Variants in BAHCC1 observed in about 807,000 individuals in gnomAD.
BAHCC1 encodes BAH domain and coiled-coil containing 1, also known as BAH and coiled-coil domain-containing protein 1.
Under a neutral mutation model 88.2 loss-of-function variants are expected in BAHCC1, and 43 were observed. That is an observed-to-expected ratio of 0.49 (90% CI 0.38 to 0.63). The LOEUF (loss-of-function observed/expected upper bound fraction) is 0.63. BAHCC1 is among the 20% of genes least tolerant of loss of function. BAHCC1 has a pLI of 0.00. For synonymous variants in BAHCC1, 1,510 were observed against 745.5 expected (o/e 2.03, Z -16.71); for missense variants, 3,023 against 1,654.8 (o/e 1.83, Z -14.34).
chr17:81,445,208 C>G (rs782592322), intron 9 of BAHCC1, 30 bp downstream of exon 9: 10 of 744,792 alleles, frequency 1.3e-5, no homozygotes, highest in Non-Finnish European at 2.0e-5. Context: ...TCACCTGGGC[C>G]GGGCACTTCT....
intron 2 of BAHCC1, among the ~76,000 whole-genome samples, chr17:81,409,311 G>C (rs1468988605): frequency 6.6e-6 from 1 of 151,936 alleles, no homozygotes; most frequent in African/African-American, 2.4e-5. Context: ...GTCCTCTCCT[G>C]ATTAGCGCCA....
At chr17:81,457,647 T>C (rs1222929364) in intron 17 of BAHCC1, 55 bp downstream of exon 17, 1 of 632,668 alleles carries the variant, frequency 1.6e-6, no homozygotes. Flanking sequence ...GGGCAGGGAT[T>C]GCTAGATAAC....
Position 81,442,254 on chromosome 17 carries a change from G to A in BAHCC1, c.905G>A (p.Cys302Tyr), listed in dbSNP as rs1314678370. ...ATGGGCAGGGCTGCGCTAGCCAGCT[G>A]TGCAGGGGGCATGCTGGGGCGGCCT... ...GEMGRAALAS[C>Y]AGGMLGRPGT... Residue 302 changes from cysteine (C) to tyrosine (Y), a missense_variant, in exon 5 of 28, where the codon TGT (cysteine) becomes TAT (tyrosine). Physicochemically the swap from Cys to Tyr is radical, Grantham distance 194. Coordinates refer to ENST00000675386, the MANE Select transcript of BAHCC1 (RefSeq NM_001377448.1). The A allele has an allele frequency of 1.4e-5, 9 of 630,500 alleles. No homozygotes were observed. The highest frequency in any genetic ancestry group is 2.8e-5 in the Admixed American group (1 of 36,044). 39.1% of individuals were successfully genotyped at this position (630,500 alleles called of 1,614,324 possible). A position where few individuals can be genotyped will look rare whatever the true frequency, so the allele number is the denominator to read the frequency against.
chr17:81,456,399 C>T lies in BAHCC1; in HGVS notation c.4672C>T (p.Pro1558Ser), dbSNP rs1555657281. The T allele has an allele frequency of 1.4e-6, 1 of 722,880 alleles. No homozygotes were observed. Among genetic ancestry groups the T allele is most frequent in the Non-Finnish European group, 2.6e-6 (1 of 388,316 alleles). The allele number at this position is 722,880 out of a possible 1,614,324, so 44.8% of individuals were successfully genotyped here. Reference protein sequence around the residue: ...LKPKVKSKGLPTGLSSFQQKE... With the variant: ...LKPKVKSKGLSTGLSSFQQKE... ...ACCCAAGGTCAAGAGCAAAGGGCTG[C>T]CCACAGGCCTCAGCTCTTTCCAGCA... is the stretch of plus-strand genomic sequence containing the variant. Residue 1558 changes from proline (P) to serine (S), a missense_variant, in exon 16 of 28, where the codon CCC (proline) becomes TCC (serine). By Grantham distance (74) the Pro-to-Ser change is moderately conservative. Coordinates refer to ENST00000675386, the MANE Select transcript of BAHCC1 (RefSeq NM_001377448.1).
intron 1 of BAHCC1, among the ~76,000 whole-genome samples, chr17:81,397,347 A>G (rs2063756035): frequency 6.6e-6 from 1 of 150,756 alleles, no homozygotes; most frequent in Admixed American, 6.6e-5. Flanking sequence ...CGTCCCGAGA[A>G]TCGCCGGCAG....
intron 10 of BAHCC1, 190 bp from the exon 11 acceptor site, chr17:81,446,846 C>T (rs2064537645): frequency 1.5e-5 from 10 of 674,886 alleles, no homozygotes; most frequent in Non-Finnish European, 1.6e-5. Context: ...AGCTACTGCA[C>T]CCAGCCAGGT....
chr17:81,459,229 C>A, intron 21 of BAHCC1, 24 bp from the exon 22 acceptor site: 1 of 777,142 alleles, frequency 1.3e-6, no homozygotes, highest in Non-Finnish European at 2.4e-6. Context: ...ACCCGTGGCA[C>A]CTCACATTCC....
Position 81,399,098 on chromosome 17 carries a change from C to T in BAHCC1, c.-206-436C>T. On this transcript the variant is annotated intron_variant, in intron 1 of 27. Coordinates refer to ENST00000675386, the MANE Select transcript of BAHCC1 (RefSeq NM_001377448.1). This position sits in a 1 kb window ranked among gnomAD's most constrained non-coding sequence, Gnocchi z 4.5. The stretch of plus-strand genomic sequence containing the variant: ...CCTTTTCCTCCGAGACACCTTTGGG[C>T]AGCGGGGGAGGGGAGAGGGTGTGCG... 4.6e-6 allele frequency: 1 copy of T among 218,700 alleles called. No individual in the cohort carries two copies. 13.5% of individuals were successfully genotyped at this position (218,700 alleles called of 1,614,324 possible).
In BAHCC1 at chr17:81,447,520, G is replaced by A. The variant is rs371876242; in HGVS notation, c.3648G>A (p.Glu1216=). ...GGAGTCCGGGTGCCCTTGAGGACGAGGGGGAGCAGCCGGCCCCTGAGGAGG... is the reference window on the plus strand; with the variant it reads ...GGAGTCCGGGTGCCCTTGAGGACGAAGGGGAGCAGCCGGCCCCTGAGGAGG... ...RAGSPGALED[E]GEQPAPEEDE... The change falls in exon 11 of 28, where the codon GAG becomes GAA. Residue 1216 remains glutamate (E), a synonymous_variant. Transcript: ENST00000675386. 4.0e-6 allele frequency: 3 copies of A among 751,956 alleles called. No homozygotes were observed. The highest frequency in any genetic ancestry group is 1.7e-5 in the African/African-American group (1 of 58,794). 46.6% of individuals were successfully genotyped at this position (751,956 alleles called of 1,614,324 possible).
chr17:81,432,388 G>A (rs1276224053), intron 3 of BAHCC1, among the ~76,000 whole-genome samples: 15 of 152,060 alleles, frequency 9.9e-5, no homozygotes, highest in Non-Finnish European at 2.1e-4. Flanking sequence ...GTGGACAGGC[G>A]GAAGGGAGTT....
rs367639963 is a variant in BAHCC1, at chr17:81,459,534, G to A, written c.5835G>A (p.Pro1945=). ...DVRPQSSRYL[P]PGTRVCAYWS... ...GGCCACAGTCCAGCCGGTACCTCCC[G>A]CCCGGCACGCGGGTCTGCGCCTACT... The change falls in exon 23 of 28, where the codon CCG becomes CCA. Residue 1945 remains proline, a synonymous_variant. Transcript: ENST00000675386. 23 of 779,616 alleles carry A rather than the reference G, an allele frequency of 3.0e-5. No homozygotes were observed. Among genetic ancestry groups the A allele is most frequent in the East Asian group, 1.2e-4 (5 of 41,238 alleles). 48.3% of individuals were successfully genotyped at this position (779,616 alleles called of 1,614,324 possible). A position where few individuals can be genotyped will look rare whatever the true frequency, so the allele number is the denominator to read the frequency against.
rs144153433 is a variant in BAHCC1, at chr17:81,433,978, G to A, written c.359-4392G>A. Among the ~76,000 whole-genome samples, 635 of 152,304 alleles carry A rather than the reference G, an allele frequency of 4.2e-3. 3 individuals carry two copies. Among genetic ancestry groups the A allele is most frequent in the Admixed American group, 7.8e-3 (119 of 15,310 alleles). On this transcript the variant is annotated intron_variant, in intron 3 of 27. Transcript: ENST00000675386. ...GTGGAGGCCAGGCTGAGCCTCGTGC[G>A]TGTGGCTGCACGGCAGGGACGTCCT...
At chr17:81,422,061 G>A (rs2064122883) in intron 2 of BAHCC1, 1 of 281,790 alleles carries the variant, frequency 3.5e-6, no homozygotes, top group Admixed American at 4.9e-5. Flanking sequence ...ATCCAGGCGG[G>A]AGGGCAGTGG....
In BAHCC1 at chr17:81,416,012, GTGTGTGT is replaced by G. The variant is rs1555648613; in HGVS notation, c.179-10787_179-10781del. Among the ~76,000 whole-genome samples, 749 of 151,758 alleles carry G rather than the reference GTGTGTGT, an allele frequency of 4.9e-3. 10 individuals are homozygous for G. Among genetic ancestry groups the G allele is most frequent in the African/African-American group, 0.017 (695 of 41,352 alleles). On this transcript the variant is annotated intron_variant, in intron 2 of 27. Coordinates refer to ENST00000675386, the MANE Select transcript of BAHCC1 (RefSeq NM_001377448.1). ...CATGAGGATGGGTGTATGCGCGTGT[GTGTGTGT>G]CCATGAGGATGGGTGTATGCGCATG... is the stretch of plus-strand genomic sequence containing the variant.
In BAHCC1 at chr17:81,451,957, G is replaced by GCCC. The variant is rs34593866; in HGVS notation, c.4180-8_4180-6dup. ...CCTGGCCCGGCTCACAGGCCCCTGT[G>GCCC]CCCCCCCCACCAGGTGTGCCCCCTG... is the stretch of plus-strand genomic sequence containing the variant. On this transcript the variant is annotated splice_polypyrimidine_tract_variant and intron_variant, in intron 12 of 27. Coordinates refer to ENST00000675386, the MANE Select transcript of BAHCC1 (RefSeq NM_001377448.1). 11 of 615,018 alleles carry GCCC rather than the reference G, an allele frequency of 1.8e-5. No individual in the cohort carries two copies. Among genetic ancestry groups the GCCC allele is most frequent in the African/African-American group, 9.3e-5 (5 of 53,766 alleles). 38.1% of individuals were successfully genotyped at this position (615,018 alleles called of 1,614,324 possible).
At chr17:81,396,417 T>TG in intron 1 of BAHCC1, 1 of 151,942 alleles carries the variant, frequency 6.6e-6, no homozygotes, top group Non-Finnish European at 1.5e-5. Context: ...GTCCGCGGGC[T>TG]GGTTTTCTTC....
intron 2 of BAHCC1, among the ~76,000 whole-genome samples, chr17:81,426,208 A>ATGATGTGGTTGGTGGTGATAGTGGTGGG (rs2064195890): frequency 3.6e-5 from 1 of 28,118 alleles, no homozygotes; most frequent in African/African-American, 1.2e-4. Context: ...GTGGTTGGTG[A>ATGATGTGGTTGGTGGTGATAGTGGTGGG]TGATGTGGTT....
chr17:81,399,124 T>C lies in BAHCC1; in HGVS notation c.-206-410T>C. 1 of 171,234 alleles carries C rather than the reference T, an allele frequency of 5.8e-6. No homozygotes were observed. The highest frequency in any genetic ancestry group is 2.8e-5 in the South Asian group (1 of 35,410). The allele number at this position is 171,234 out of a possible 1,614,324, so 10.6% of individuals were successfully genotyped here. ...AGCGGGGGAGGGGAGAGGGTGTGCG[T>C]GTGAGTGTGTGTGTGTGTGTGTGTG... On this transcript the variant is annotated intron_variant, in intron 1 of 27. Transcript: ENST00000675386. This position sits in a 1 kb window ranked among gnomAD's most constrained non-coding sequence, Gnocchi z 4.5.
chr17:81,453,154 C>T (rs868924649), intron 14 of BAHCC1, among the ~76,000 whole-genome samples: 4 of 152,260 alleles, frequency 2.6e-5, no homozygotes, highest in Non-Finnish European at 1.5e-5. Context: ...GCATCGTCCC[C>T]GCCCGGCCCC....
Sources: allele counts gnomAD v4.1 joint callset (sites outside exome capture counted in the v4.1 genomes callset), GRCh38; gene constraint gnomAD v4.1.1; non-coding constraint Gnocchi (gnomAD v3.1); transcripts MANE v1.5; gene names NCBI Gene and HGNC (gene_info 2026-07-23, HGNC 2026-07-21).